Variants in ATOSA observed in about 807,000 individuals in gnomAD.
ATOSA encodes atos homolog protein A.
At chr15:52,685,719 GT>G in the ATOSA span, among the ~76,000 whole-genome samples, 1 of 152,086 alleles carries the variant, frequency 6.6e-6, no homozygotes. Context: ...ACAGGCATTT[GT>G]TTTTTAGAGA....
the ATOSA span, chr15:52,582,365 GAAT>G: frequency 2.8e-6 from 4 of 1,405,530 alleles, no homozygotes; most frequent in Non-Finnish European, 1.9e-6. Flanking sequence ...AAAGAAACTA[GAAT>G]AATTAAAATT....
the ATOSA span, among the ~76,000 whole-genome samples, chr15:52,626,222 C>A: frequency 6.6e-6 from 1 of 152,160 alleles, no homozygotes; most frequent in Non-Finnish European, 1.5e-5. Flanking sequence ...CCCATTGGTA[C>A]TACATGAATT....
At chr15:52,611,208 C>T in the ATOSA span, 16 of 1,613,646 alleles carry the variant, frequency 9.9e-6, no homozygotes, top group African/African-American at 2.7e-5. Context: ...CACAAATGAG[C>T]GGACAGCCAA....
At chr15:52,585,116 TA>T in the ATOSA span, 2 of 530,354 alleles carry the variant, frequency 3.8e-6, no homozygotes, top group Non-Finnish European at 6.3e-6. Context: ...GAAATAATAT[TA>T]TTTTTTAAAA....
the ATOSA span, among the ~76,000 whole-genome samples, chr15:52,667,614 ATGGTATAAATACCATTAC>A: frequency 6.6e-6 from 1 of 152,224 alleles, no homozygotes; most frequent in Non-Finnish European, 1.5e-5. Flanking sequence ...GCCAATTTCC[ATGGTATAAATACCATTAC>A]CATGGCTGAT....
At chr15:52,601,251 T>G in the ATOSA span, 11 of 808,170 alleles carry the variant, frequency 1.4e-5, no homozygotes, top group African/African-American at 1.8e-5. Context: ...TAAATGAAAT[T>G]TAAGCATATC....
chr15:52,702,302 T>C, the ATOSA span, among the ~76,000 whole-genome samples: 1 of 152,142 alleles, frequency 6.6e-6, no homozygotes, highest in Non-Finnish European at 1.5e-5. Context: ...AAAAGACACA[T>C]GCACTCACAT....
the ATOSA span, among the ~76,000 whole-genome samples, chr15:52,675,851 A>T: frequency 6.6e-6 from 1 of 151,712 alleles, no homozygotes; most frequent in East Asian, 1.9e-4. Context: ...GCTTGCAGTG[A>T]GCGGAGATTG....
At chr15:52,668,206 A>T in the ATOSA span, among the ~76,000 whole-genome samples, 3 of 152,356 alleles carry the variant, frequency 2.0e-5, no homozygotes, top group South Asian at 6.2e-4. Context: ...CACACACATA[A>T]TGGAATACTA....
At chr15:52,688,685 G>C in the ATOSA span, among the ~76,000 whole-genome samples, 1 of 152,180 alleles carries the variant, frequency 6.6e-6, no homozygotes, top group African/African-American at 2.4e-5. Context: ...TTCAGGATGA[G>C]GTTTTATCTG....
chr15:52,646,309 T>C, the ATOSA span, among the ~76,000 whole-genome samples: 1 of 152,186 alleles, frequency 6.6e-6, no homozygotes, highest in South Asian at 2.1e-4. Context: ...TGAACAAAGA[T>C]AGAACTGGGT....
At chr15:52,615,193 A>C in the ATOSA span, among the ~76,000 whole-genome samples, 5 of 152,220 alleles carry the variant, frequency 3.3e-5, no homozygotes, top group African/African-American at 1.2e-4. Flanking sequence ...GGAGTGTGGT[A>C]TTCTGGTTAT....
chr15:52,614,705 G>C, the ATOSA span, among the ~76,000 whole-genome samples: 1 of 151,954 alleles, frequency 6.6e-6, no homozygotes, highest in African/African-American at 2.4e-5. Flanking sequence ...AAAATCAGCT[G>C]GGTGTGGTGG....
the ATOSA span, among the ~76,000 whole-genome samples, chr15:52,671,607 A>G: frequency 1.3e-5 from 2 of 152,174 alleles, no homozygotes; most frequent in Non-Finnish European, 2.9e-5. Flanking sequence ...AATGTGGTCA[A>G]TGCTATGAAG....
the ATOSA span, among the ~76,000 whole-genome samples, chr15:52,587,955 G>A: frequency 1.3e-5 from 2 of 152,108 alleles, no homozygotes; most frequent in Non-Finnish European, 2.9e-5. Flanking sequence ...ACTTATTAAG[G>A]AATCTAAGAA....
chr15:52,589,186 C>G, the ATOSA span, among the ~76,000 whole-genome samples: 1 of 152,296 alleles, frequency 6.6e-6, no homozygotes, highest in South Asian at 2.1e-4. Flanking sequence ...AGCAATGAAA[C>G]TTTAACAATT....
chr15:52,638,206 C>T, the ATOSA span, among the ~76,000 whole-genome samples: 1 of 152,122 alleles, frequency 6.6e-6, no homozygotes, highest in Non-Finnish European at 1.5e-5. Flanking sequence ...TAGAATGAAT[C>T]GAGTGCTGAA....
chr15:52,638,351 C>T, the ATOSA span, among the ~76,000 whole-genome samples: 3 of 152,018 alleles, frequency 2.0e-5, no homozygotes, highest in Non-Finnish European at 4.4e-5. Flanking sequence ...AAATACATAT[C>T]CTATTCACCA....
At chr15:52,627,467 A>G in the ATOSA span, among the ~76,000 whole-genome samples, 16 of 152,168 alleles carry the variant, frequency 1.1e-4, no homozygotes, top group African/African-American at 3.9e-4. Context: ...AGTACTCAAT[A>G]AATATATAAG....
Sources: gnomAD v4.1 joint callset for allele counts (sites outside exome capture counted in the v4.1 genomes callset) on GRCh38, gnomAD v4.1.1 for gene constraint, MANE v1.5 for transcripts, NCBI Gene and HGNC (gene_info 2026-07-23, HGNC 2026-07-21) for gene names.